Variants in CLSTN2 observed in about 807,000 individuals in gnomAD.
The protein encoded by CLSTN2 is calsyntenin 2.
In CLSTN2, 48 loss-of-function variants were observed where a neutral mutation model predicts 101.2. The observed-to-expected ratio is 0.47, with a 90% confidence interval of 0.38 to 0.60. The LOEUF (loss-of-function observed/expected upper bound fraction) is 0.60, where lower values mean the gene tolerates loss of function less well. Ranked by LOEUF, CLSTN2 falls within the 20% of genes least tolerant of loss-of-function variation. CLSTN2 has a pLI of 0.00. For missense variants in CLSTN2, 1,160 were observed against 1,238.2 expected (o/e 0.94, Z 0.95); for synonymous variants, 481 against 463.6 (o/e 1.04, Z -0.48).
At chr3:140,425,146 T>A (rs1443903256) in intron 5 of CLSTN2, among the ~76,000 whole-genome samples, 1 of 152,162 alleles carries the variant, frequency 6.6e-6, no homozygotes, top group Non-Finnish European at 1.5e-5. Flanking sequence ...GTGAATCCAA[T>A]CCATTACACG....
chr3:139,943,427 C>G (rs1246504819), intron 1 of CLSTN2, among the ~76,000 whole-genome samples: 1 of 152,186 alleles, frequency 6.6e-6, no homozygotes, highest in Non-Finnish European at 1.5e-5. Flanking sequence ...CCATCTCAGT[C>G]ATGAATTCTA....
intron 2 of CLSTN2, among the ~76,000 whole-genome samples, chr3:140,345,899 T>C (rs776041540): frequency 6.6e-6 from 1 of 152,220 alleles, no homozygotes; most frequent in Non-Finnish European, 1.5e-5. Flanking sequence ...CTGTGAATGA[T>C]CATTCTGAAG....
At chr3:140,153,484 C>T (rs2009901499) in intron 1 of CLSTN2, among the ~76,000 whole-genome samples, 1 of 152,246 alleles carries the variant, frequency 6.6e-6, no homozygotes, top group African/African-American at 2.4e-5. Flanking sequence ...CTCTTCTCCA[C>T]CAGCTAGGGC....
At chr3:140,264,349 G>A (rs1182362425) in intron 2 of CLSTN2, among the ~76,000 whole-genome samples, 6 of 109,514 alleles carry the variant, frequency 5.5e-5, no homozygotes, top group Admixed American at 1.0e-4. Context: ...CAGAGCTGTT[G>A]CTGTGAGTTC....
At chr3:140,058,776 A>G (rs992964975) in intron 1 of CLSTN2, among the ~76,000 whole-genome samples, 7 of 138,838 alleles carry the variant, frequency 5.0e-5, no homozygotes, top group Admixed American at 3.5e-4. Flanking sequence ...ATTGGGACCC[A>G]TGACAAAAAA....
At chr3:140,305,965 T>G (rs1246367019) in intron 2 of CLSTN2, among the ~76,000 whole-genome samples, 1 of 152,184 alleles carries the variant, frequency 6.6e-6, no homozygotes. Context: ...GGGTAAGGAA[T>G]GGCATTTTGA....
chr3:140,187,256 G>C (rs1031736269), intron 2 of CLSTN2, among the ~76,000 whole-genome samples: 2 of 152,076 alleles, frequency 1.3e-5, no homozygotes, highest in Non-Finnish European at 2.9e-5. Flanking sequence ...AGCCTCATAT[G>C]TAGCAGGCTG....
chr3:140,316,178 A>C (rs533787949), intron 2 of CLSTN2, among the ~76,000 whole-genome samples: 2 of 152,188 alleles, frequency 1.3e-5, no homozygotes, highest in Non-Finnish European at 2.9e-5. Flanking sequence ...ATAGATTAGC[A>C]TATGATTACC....
intron 1 of CLSTN2, among the ~76,000 whole-genome samples, chr3:139,994,759 T>G (rs1053214927): frequency 6.6e-6 from 1 of 152,168 alleles, no homozygotes; most frequent in African/African-American, 2.4e-5. Context: ...AGGAACTGAG[T>G]AGGAAATAGA....
At chr3:140,179,643 A>AAC (rs2010378240) in intron 2 of CLSTN2, among the ~76,000 whole-genome samples, 1 of 149,808 alleles carries the variant, frequency 6.7e-6, no homozygotes, top group Admixed American at 6.7e-5. Flanking sequence ...AAAAAAAAAA[A>AAC]AAAAAAAAAC....
intron 1 of CLSTN2, among the ~76,000 whole-genome samples, chr3:140,173,083 G>A (rs2010264523): frequency 6.6e-6 from 1 of 152,178 alleles, no homozygotes; most frequent in Non-Finnish European, 1.5e-5. Context: ...AGTCTAAAGT[G>A]TCATCTGAGA....
intron 2 of CLSTN2, among the ~76,000 whole-genome samples, chr3:140,371,986 C>T (rs768585514): frequency 1.3e-5 from 2 of 152,112 alleles, no homozygotes; most frequent in Non-Finnish European, 2.9e-5. Context: ...GGGTTTGTAA[C>T]TGGGGATCTG....
intron 2 of CLSTN2, among the ~76,000 whole-genome samples, chr3:140,310,137 A>G (rs1333710985): frequency 6.6e-6 from 1 of 152,064 alleles, no homozygotes; most frequent in Non-Finnish European, 1.5e-5. Context: ...AGATCTAAAC[A>G]CATCCCCCGG....
intron 1 of CLSTN2, among the ~76,000 whole-genome samples, chr3:139,959,531 A>G (rs1935467144): frequency 6.6e-6 from 1 of 152,188 alleles, no homozygotes; most frequent in African/African-American, 2.4e-5. Flanking sequence ...TGCCAAACTC[A>G]GAGGATTCTT....
chr3:140,407,229 T>C (rs1355901647), intron 4 of CLSTN2, among the ~76,000 whole-genome samples: 1 of 152,204 alleles, frequency 6.6e-6, no homozygotes, highest in Non-Finnish European at 1.5e-5. Flanking sequence ...GTACTTTGCA[T>C]GCTCATAAGG....
intron 12 of CLSTN2, among the ~76,000 whole-genome samples, chr3:140,560,873 G>A (rs772840338): frequency 1.1e-4 from 17 of 152,114 alleles, no homozygotes; most frequent in Middle Eastern, 3.2e-3. Flanking sequence ...ATACAGCATT[G>A]CTAATTATAG....
intron 16 of CLSTN2, among the ~76,000 whole-genome samples, chr3:140,565,046 T>A (rs1002720941): frequency 1.3e-5 from 2 of 152,224 alleles, no homozygotes; most frequent in Non-Finnish European, 1.5e-5. Flanking sequence ...GGTAAAATGC[T>A]GAGCTCAGTG....
At chr3:140,536,552 T>C (rs1365814309) in intron 9 of CLSTN2, among the ~76,000 whole-genome samples, 1 of 151,958 alleles carries the variant, frequency 6.6e-6, no homozygotes, top group Admixed American at 6.6e-5. Context: ...GAAAGGTAAA[T>C]GAAGCTGGAA....
At position 140,568,122 on chromosome 3, in the gene CLSTN2, C is replaced by T. The variant is rs1255006268; in HGVS notation, c.*1869C>T. The stretch of plus-strand genomic sequence containing the variant: ...CAAAAGTATAGACAAGACCAGTCTC[C>T]CCAACTTCCACTCCTGGTGCAGGAT... On this transcript the variant is annotated 3_prime_UTR_variant, in exon 17 of 17. Transcript: ENST00000458420. 1.3e-5 allele frequency: 2 copies of T among 152,266 alleles called. No homozygotes were observed. The highest frequency in any genetic ancestry group is 2.1e-4 in the South Asian group (1 of 4,818). The allele number at this position is 152,266 out of a possible 1,614,324, so 9.4% of individuals were successfully genotyped here.
Sources: allele counts gnomAD v4.1 joint callset (sites outside exome capture counted in the v4.1 genomes callset), GRCh38; gene constraint gnomAD v4.1.1; transcripts MANE v1.5; gene names NCBI Gene and HGNC (gene_info 2026-07-23, HGNC 2026-07-21).